The following GBF1 variants were observed in gnomAD, a reference collection of about 807,000 sequenced individuals.
GBF1 encodes golgi brefeldin A resistant guanine nucleotide exchange factor 1.
Under a neutral mutation model 210.5 loss-of-function variants are expected in GBF1, and 114 were observed. The observed-to-expected ratio is 0.54, with a 90% CI of 0.47 to 0.63. GBF1 has a LOEUF of 0.63. Ranked by LOEUF, GBF1 falls within the 30% of genes least tolerant of loss-of-function variation. The probability of loss-of-function intolerance (pLI) is 0.00; values close to 1 mark genes in which losing one functional copy is unlikely to be tolerated. For missense variants in GBF1, 1,851 were observed against 2,357.7 expected, an observed-to-expected ratio of 0.79 and a Z score of 4.45; for synonymous variants, 850 against 889.2, an observed-to-expected ratio of 0.96 and a Z score of 0.78.
intron 5 of GBF1, 51 bp from the exon 6 acceptor site, chr10:102,351,792 G>GT: frequency 9.6e-7 from 1 of 1,040,816 alleles, no homozygotes; most frequent in South Asian, 1.3e-5. Flanking sequence ...TTACCCTTGA[G>GT]TACCTCTCAG....
chr10:102,232,930 C>T, the GBF1 span, among the ~76,000 whole-genome samples: 1 of 152,170 alleles, frequency 6.6e-6, no homozygotes, highest in Non-Finnish European at 1.5e-5. Context: ...GCCTTTACCT[C>T]ATTCTCTCTC....
At chr10:102,350,263 T>G (rs2058858362) in intron 4 of GBF1, among the ~76,000 whole-genome samples, 2 of 151,586 alleles carry the variant, frequency 1.3e-5, no homozygotes, top group African/African-American at 4.9e-5. Flanking sequence ...GGCAGGAGAA[T>G]CGCTTGAACC....
chr10:102,254,172 A>C (rs998547198), intron 1 of GBF1, among the ~76,000 whole-genome samples: 4 of 152,036 alleles, frequency 2.6e-5, no homozygotes, highest in Admixed American at 6.5e-5. Context: ...GAATTCACCA[A>C]TTTTTTAAAG....
chr10:102,339,280 TTGAACCC>T (rs1342629881), intron 3 of GBF1, among the ~76,000 whole-genome samples: 1 of 152,070 alleles, frequency 6.6e-6, no homozygotes. Context: ...TGAGAATCAC[TTGAACCC>T]GGGAGGTAGA....
At chr10:102,377,343 T>TTTTA (rs547422097) in intron 33 of GBF1, among the ~76,000 whole-genome samples, 101 of 70,166 alleles carry the variant, frequency 1.4e-3, no homozygotes, top group Admixed American at 3.6e-3. Flanking sequence ...TTATTTTTAT[T>TTTTA]TTTATTTATT....
intron 1 of GBF1, among the ~76,000 whole-genome samples, chr10:102,251,922 C>A (rs567826624): frequency 2.8e-4 from 43 of 152,230 alleles, no homozygotes; most frequent in African/African-American, 1.0e-3. Context: ...TGCCTATAAT[C>A]CCAGCACTTT....
At chr10:102,345,326 A>T (rs1211241234) in intron 4 of GBF1, among the ~76,000 whole-genome samples, 6 of 151,140 alleles carry the variant, frequency 4.0e-5, no homozygotes, top group African/African-American at 1.5e-4. Flanking sequence ...TAAAAATAGG[A>T]TTATGTGCTA....
At chr10:102,348,159 ACTCCTGAGCTCCGGCAATCTGCC>A (rs1164923010) in intron 4 of GBF1, among the ~76,000 whole-genome samples, 5 of 151,802 alleles carry the variant, frequency 3.3e-5, no homozygotes, top group Non-Finnish European at 7.4e-5. Flanking sequence ...CTGGTCTCGA[ACTCCTGAGCTCCGGCAATCTGCC>A]CACCTCAGCC....
chr10:102,358,444 A>G (rs2059412008), intron 9 of GBF1, 62 bp from the exon 10 acceptor site: 4 of 1,149,248 alleles, frequency 3.5e-6, no homozygotes, highest in East Asian at 4.7e-5. Context: ...AGTACCATAG[A>G]GGGTTTGTTT....
At chr10:102,265,194 G>A (rs777657898) in intron 3 of GBF1, among the ~76,000 whole-genome samples, 2 of 152,160 alleles carry the variant, frequency 1.3e-5, no homozygotes, top group Non-Finnish European at 2.9e-5. Flanking sequence ...ATTCTTGCAA[G>A]CCTTAGTTCC....
chr10:102,258,237 C>T (rs554470798), intron 1 of GBF1, among the ~76,000 whole-genome samples: 1 of 149,608 alleles, frequency 6.7e-6, no homozygotes, highest in African/African-American at 2.5e-5. Context: ...CTCACACAAC[C>T]TCTGCCTCCC....
chr10:102,245,726 T>A lies in GBF1; in HGVS notation c.-66T>A, dbSNP rs568957593. 2 of 152,282 alleles carry A rather than the reference T, an allele frequency of 1.3e-5. No individual in the cohort carries two copies. Among genetic ancestry groups the A allele is most frequent in the East Asian group, 1.9e-4 (1 of 5,176 alleles). 9.4% of individuals were successfully genotyped at this position (152,282 alleles called of 1,614,324 possible). A position where few individuals can be genotyped will look rare whatever the true frequency, so the allele number is the denominator to read the frequency against. ...ACGCCTCCGGGGTGCGGGCTGGACA[T>A]GAGCAGCGGCTGCCGGTCCTGGGAC... On this transcript the variant is annotated 5_prime_UTR_variant, in exon 1 of 40. An upstream start codon of the reference 5' UTR is lost. Transcript: ENST00000369983.
chr10:102,241,606 C>T (rs1418471480), upstream of GBF1: 3 of 152,416 alleles, frequency 2.0e-5, no homozygotes, highest in Non-Finnish European at 4.4e-5. The surrounding 1 kb of genome is among the most constrained non-coding windows in gnomAD (Gnocchi z 6.7). Context: ...CCCTTTCCAG[C>T]TGCCCTGCTG....
chr10:102,381,789 C>T (rs1327671697), intron 39 of GBF1, among the ~76,000 whole-genome samples: 1 of 131,632 alleles, frequency 7.6e-6, no homozygotes, highest in Non-Finnish European at 1.6e-5. Context: ...CATGCCACTG[C>T]ACTCCAACCT....
At chr10:102,355,479 C>A (rs771759510) in intron 8 of GBF1, among the ~76,000 whole-genome samples, 1 of 152,192 alleles carries the variant, frequency 6.6e-6, no homozygotes, top group Non-Finnish European at 1.5e-5. Flanking sequence ...CTACTGCCCA[C>A]CCCACACCTT....
chr10:102,300,177 AG>A (rs1208705504), intron 3 of GBF1, among the ~76,000 whole-genome samples: 3 of 152,204 alleles, frequency 2.0e-5, no homozygotes, highest in African/African-American at 7.2e-5. Context: ...TCAACAAAAT[AG>A]CTTTGGTCTT....
chr10:102,379,382 T>A lies in GBF1; in HGVS notation c.4593T>A (p.Ile1531=), dbSNP rs1457458837. The stretch of plus-strand genomic sequence containing the variant: ...ACCTGGAGACAGGTGGCCAGAAGAT[T>A]GAAGCTGATTCTCGCACCCTCTGGG... ...QRHLETGGQK[I]EADSRTLWAH... is the part of the protein sequence containing the mutation. Residue 1531 remains isoleucine (I), a synonymous_variant, in exon 34 of 40, where the codon ATT becomes ATA. Coordinates refer to ENST00000369983, the MANE Select transcript of GBF1 (RefSeq NM_001377137.1). 6.2e-7 allele frequency: 1 copy of A among 1,613,966 alleles called. No homozygotes were observed. Among genetic ancestry groups the A allele is most frequent in the Admixed American group, 1.7e-5 (1 of 59,998 alleles).
chr10:102,357,213 G>A (rs1401957218), intron 8 of GBF1, among the ~76,000 whole-genome samples: 3 of 152,038 alleles, frequency 2.0e-5, no homozygotes, highest in Non-Finnish European at 4.4e-5. Flanking sequence ...TTAGCTGGGT[G>A]CAGTGGCTCA....
Position 102,382,428 on chromosome 10 carries a change from C to T in GBF1, c.*92C>T. ...TCCTGCGGGCCACAAGCTCTTCAGG[C>T]CAAGTCAGAGCTGCTGTTGCTGCCA... On this transcript the variant is annotated 3_prime_UTR_variant, in exon 40 of 40. Coordinates refer to ENST00000369983, the MANE Select transcript of GBF1 (RefSeq NM_001377137.1). The T allele has an allele frequency of 2.6e-6, 3 of 1,171,106 alleles. No individual in the cohort carries two copies. Among genetic ancestry groups the T allele is most frequent in the Non-Finnish European group, 3.6e-6 (3 of 829,192 alleles). The allele number at this position is 1,171,106 out of a possible 1,614,324, so 72.5% of individuals were successfully genotyped here.
Sources: allele counts gnomAD v4.1 joint callset (sites outside exome capture counted in the v4.1 genomes callset), GRCh38; gene constraint gnomAD v4.1.1; non-coding constraint Gnocchi (gnomAD v3.1); transcripts MANE v1.5; gene names NCBI Gene and HGNC (gene_info 2026-07-23, HGNC 2026-07-21).